Variants in PTPRD observed in about 807,000 individuals in gnomAD.
PTPRD encodes the protein protein tyrosine phosphatase receptor type D.
In PTPRD, 34 loss-of-function variants were observed where a neutral mutation model predicts 214.5. The ratio of observed to expected loss-of-function variants is 0.16; its 90% confidence interval spans 0.12 to 0.21. The LOEUF is 0.21. Among genes scored for constraint, PTPRD ranks in the 10% least tolerant of loss-of-function variants. PTPRD has a pLI of 1.00. For missense variants in PTPRD, 2,545 were observed against 2,398.7 expected (o/e 1.06, Z -1.27); for synonymous variants, 1,128 against 845.7 (o/e 1.33, Z -5.79).
intron 5 of PTPRD, among the ~76,000 whole-genome samples, chr9:9,811,580 G>A (rs767362593): frequency 2.0e-5 from 3 of 151,954 alleles, no homozygotes; most frequent in African/African-American, 4.8e-5. Flanking sequence ...GGTGGCAGGC[G>A]CCTGTAGTCC....
chr9:9,895,161 G>C (rs1386323345), intron 5 of PTPRD, among the ~76,000 whole-genome samples: 1 of 151,962 alleles, frequency 6.6e-6, no homozygotes, highest in South Asian at 2.1e-4. Context: ...TTCCTTACAA[G>C]TACTTGTTCC....
intron 3 of PTPRD, among the ~76,000 whole-genome samples, chr9:10,036,615 T>G (rs1009919162): frequency 3.9e-5 from 6 of 151,918 alleles, no homozygotes; most frequent in African/African-American, 9.7e-5. Flanking sequence ...AAACGGAGCC[T>G]GGTTCTGTCA....
chr9:10,223,014 A>C (rs567261266), intron 3 of PTPRD, among the ~76,000 whole-genome samples: 159 of 152,174 alleles, frequency 1.0e-3, no homozygotes, highest in South Asian at 3.9e-3. Context: ...GAGAATGAAG[A>C]GTAAAAATTA....
At chr9:8,611,814 G>GAGAGGAGAGT (rs1397132855) in intron 14 of PTPRD, among the ~76,000 whole-genome samples, 1 of 147,608 alleles carries the variant, frequency 6.8e-6, no homozygotes, top group Non-Finnish European at 1.5e-5. Context: ...AAGAGGAGAG[G>GAGAGGAGAGT]AGAAGAGAGG....
At chr9:10,523,011 T>C (rs1034921291) in intron 2 of PTPRD, among the ~76,000 whole-genome samples, 1 of 152,072 alleles carries the variant, frequency 6.6e-6, no homozygotes, top group Admixed American at 6.6e-5. Flanking sequence ...ACAATCAATT[T>C]TTTGATGAAA....
At chr9:9,028,010 C>G (rs755907718) in intron 10 of PTPRD, among the ~76,000 whole-genome samples, 2 of 151,876 alleles carry the variant, frequency 1.3e-5, no homozygotes, top group Middle Eastern at 3.2e-3. Flanking sequence ...AGTGAAATCT[C>G]ATCAAGGGCT....
chr9:10,523,543 G>C (rs145387735), intron 2 of PTPRD, among the ~76,000 whole-genome samples: 5 of 140,402 alleles, frequency 3.6e-5, no homozygotes, highest in African/African-American at 1.3e-4. Flanking sequence ...AGGTAGAACT[G>C]TAAGAAAAAA....
chr9:9,709,597 A>G (rs2097688834), intron 7 of PTPRD, among the ~76,000 whole-genome samples: 1 of 152,098 alleles, frequency 6.6e-6, no homozygotes. Flanking sequence ...CAAACCTTGC[A>G]TCTGCTTTAT....
chr9:9,125,963 CA>C (rs1266270643), intron 10 of PTPRD, among the ~76,000 whole-genome samples: 3 of 152,188 alleles, frequency 2.0e-5, no homozygotes, highest in Admixed American at 2.0e-4. Flanking sequence ...GCAGAAGGGA[CA>C]GTTGTGTTAA....
At chr9:9,986,553 A>T (rs2095716141) in intron 4 of PTPRD, among the ~76,000 whole-genome samples, 1 of 152,166 alleles carries the variant, frequency 6.6e-6, no homozygotes, top group Admixed American at 6.5e-5. Flanking sequence ...AACAATAGTT[A>T]TCTCCCACAG....
chr9:9,233,023 CCT>C (rs934377519), intron 9 of PTPRD, among the ~76,000 whole-genome samples: 96 of 152,174 alleles, frequency 6.3e-4, no homozygotes, highest in African/African-American at 2.2e-3. Context: ...CTCTTAAGAC[CCT>C]TATACCAGAA....
chr9:10,506,105 C>G (rs578136533), intron 2 of PTPRD, among the ~76,000 whole-genome samples: 1 of 152,100 alleles, frequency 6.6e-6, no homozygotes, highest in South Asian at 2.1e-4. Context: ...CAATGTTTTT[C>G]TAATACATAT....
chr9:9,029,013 C>G (rs921349479), intron 10 of PTPRD, among the ~76,000 whole-genome samples: 1 of 151,848 alleles, frequency 6.6e-6, no homozygotes. Flanking sequence ...AGCACTTCAA[C>G]TGTGGCTAGT....
intron 11 of PTPRD, among the ~76,000 whole-genome samples, chr9:8,940,908 T>G (rs2099029996): frequency 6.6e-6 from 1 of 152,148 alleles, no homozygotes; most frequent in Non-Finnish European, 1.5e-5. Flanking sequence ...CCTAGATTTT[T>G]CATGCCTTGA....
At chr9:10,240,201 A>C (rs1057388379) in intron 3 of PTPRD, among the ~76,000 whole-genome samples, 6 of 152,036 alleles carry the variant, frequency 3.9e-5, no homozygotes, top group Non-Finnish European at 8.8e-5. Context: ...AATATACTTC[A>C]TATAACCTAA....
At chr9:10,559,001 A>AT in intron 2 of PTPRD, among the ~76,000 whole-genome samples, 1 of 152,266 alleles carries the variant, frequency 6.6e-6, no homozygotes, top group Admixed American at 6.5e-5. Flanking sequence ...TATATTATAT[A>AT]TTTTGTTGGG....
At position 8,950,066 on chromosome 9, in the gene PTPRD, T is replaced by A. The variant is rs72708116; in HGVS notation, c.-104+68631A>T. Among the ~76,000 whole-genome samples, 805 of 152,278 alleles carry A rather than the reference T, an allele frequency of 5.3e-3. 2 individuals carry two copies. The highest frequency in any genetic ancestry group is 0.011 in the African/African-American group (442 of 41,556). ...GTGTTGCAATTCTACAAAATAGGTA[T>A]TGGAATGTCTATTTTACAAGTGAGA... On this transcript the variant is annotated intron_variant, in intron 11 of 45. Coordinates refer to ENST00000381196, the MANE Select transcript of PTPRD (RefSeq NM_002839.4).
chr9:8,719,603 A>G (rs895943794), intron 12 of PTPRD, among the ~76,000 whole-genome samples: 3 of 152,208 alleles, frequency 2.0e-5, no homozygotes, highest in Non-Finnish European at 4.4e-5. Flanking sequence ...ATTTTTAAAT[A>G]AAGTTTTATT....
chr9:9,887,489 G>C (rs535074779), intron 5 of PTPRD, among the ~76,000 whole-genome samples: 1 of 152,220 alleles, frequency 6.6e-6, no homozygotes, highest in East Asian at 1.9e-4. Context: ...CCACACATTT[G>C]GAAGGAGCAT....
Sources: allele counts gnomAD v4.1 joint callset (sites outside exome capture counted in the v4.1 genomes callset), GRCh38; gene constraint gnomAD v4.1.1; transcripts MANE v1.5; gene names NCBI Gene and HGNC (gene_info 2026-07-23, HGNC 2026-07-21).